The following RTN1 variants were observed in gnomAD, a reference collection of about 807,000 sequenced individuals.
RTN1 encodes reticulon 1.
Under a neutral mutation model 65.5 loss-of-function variants are expected in RTN1, and 25 were observed. That is an observed-to-expected ratio of 0.38 (90% CI 0.28 to 0.53). The LOEUF is 0.53. Among genes scored for constraint, RTN1 ranks in the 20% least tolerant of loss-of-function variants. The pLI is 0.79. For synonymous variants in RTN1, 471 were observed against 447.6 expected, an observed-to-expected ratio of 1.05 and a Z score of -0.66; for missense variants, 983 against 1,025.4, an observed-to-expected ratio of 0.96 and a Z score of 0.57.
intron 1 of RTN1, among the ~76,000 whole-genome samples, chr14:59,859,767 C>T (rs1272733714): frequency 6.6e-6 from 1 of 152,182 alleles, no homozygotes; most frequent in East Asian, 1.9e-4. Context: ...AAATGAGGAA[C>T]TTGCTGGGAA....
At chr14:59,669,053 C>T (rs948095504) in intron 3 of RTN1, among the ~76,000 whole-genome samples, 5 of 152,098 alleles carry the variant, frequency 3.3e-5, no homozygotes, top group African/African-American at 9.7e-5. Context: ...GTGGCGATTC[C>T]TCAAGGATCT....
chr14:59,679,560 A>C (rs1180026994), intron 3 of RTN1, among the ~76,000 whole-genome samples: 1 of 152,200 alleles, frequency 6.6e-6, no homozygotes, highest in Non-Finnish European at 1.5e-5. Flanking sequence ...TTGAACAGTA[A>C]AACAGCAGAG....
chr14:59,656,937 C>T (rs1883133173), intron 3 of RTN1, among the ~76,000 whole-genome samples: 1 of 152,004 alleles, frequency 6.6e-6, no homozygotes, highest in Admixed American at 6.6e-5. Flanking sequence ...CTTGTCTTAC[C>T]ACCTATCAAG....
intron 3 of RTN1, among the ~76,000 whole-genome samples, chr14:59,698,407 A>G (rs901996015): frequency 1.3e-5 from 2 of 152,168 alleles, no homozygotes; most frequent in Non-Finnish European, 2.9e-5. Flanking sequence ...TACAATAGCT[A>G]ATTTTAAAAA....
At position 59,603,047 on chromosome 14, in the gene RTN1, T is replaced by C. The variant is rs1566656830; in HGVS notation, c.2288+18A>G. On this transcript the variant is annotated intron_variant, in intron 8 of 8. Coordinates refer to ENST00000267484, the MANE Select transcript of RTN1 (RefSeq NM_021136.3). Reference sequence around the variant, plus strand: ...GTAAGAGAGTCTCTCCTTTTATGCATTGCACTATGTGACTTACTTTGCCAC... The same window carrying C: ...GTAAGAGAGTCTCTCCTTTTATGCACTGCACTATGTGACTTACTTTGCCAC... 1.2e-6 allele frequency: 2 copies of C among 1,609,116 alleles called. No homozygotes were observed. The highest frequency in any genetic ancestry group is 1.7e-6 in the Non-Finnish European group (2 of 1,176,150).
chr14:59,769,433 A>AT (rs1405860983), intron 1 of RTN1, among the ~76,000 whole-genome samples: 1 of 152,102 alleles, frequency 6.6e-6, no homozygotes, highest in Non-Finnish European at 1.5e-5. Flanking sequence ...AATGACATAT[A>AT]TTTTTCATGG....
chr14:59,647,661 T>C (rs1882929876), intron 3 of RTN1, among the ~76,000 whole-genome samples: 1 of 152,118 alleles, frequency 6.6e-6, no homozygotes, highest in African/African-American at 2.4e-5. Flanking sequence ...TACATGGAAA[T>C]TAAACAACCT....
intron 1 of RTN1, among the ~76,000 whole-genome samples, chr14:59,769,969 T>C (rs1039289295): frequency 6.6e-6 from 1 of 151,994 alleles, no homozygotes; most frequent in Non-Finnish European, 1.5e-5. Context: ...GCAGAGAACA[T>C]GGAATGAGCA....
At chr14:59,780,492 C>A (rs1886134418) in intron 1 of RTN1, among the ~76,000 whole-genome samples, 1 of 152,142 alleles carries the variant, frequency 6.6e-6, no homozygotes, top group Non-Finnish European at 1.5e-5. Context: ...ATGGTGCCAA[C>A]CATTCCGGAG....
intron 1 of RTN1, among the ~76,000 whole-genome samples, chr14:59,838,452 A>G (rs529592372): frequency 6.6e-6 from 1 of 152,268 alleles, no homozygotes; most frequent in South Asian, 2.1e-4. Flanking sequence ...TTTTTTTCAA[A>G]TGGGAAAAAT....
At chr14:59,862,321 T>C (rs563036997) in intron 1 of RTN1, among the ~76,000 whole-genome samples, 8 of 152,328 alleles carry the variant, frequency 5.3e-5, no homozygotes, top group Middle Eastern at 3.4e-3. Context: ...TCATGGTTCA[T>C]TGTGATGTCA....
chr14:59,829,019 G>C lies in RTN1; in HGVS notation c.241+41371C>G, dbSNP rs945401566. On this transcript the variant is annotated intron_variant, in intron 1 of 8. Coordinates refer to ENST00000267484, the MANE Select transcript of RTN1 (RefSeq NM_021136.3). The surrounding 1 kb of genome is among the most constrained non-coding windows in gnomAD (Gnocchi z 4.3). ...CCAGGCTTCCACTATATCCTTGGAT[G>C]ATCCCACTGCTCAATACTGAAGCAG... is the stretch of plus-strand genomic sequence containing the variant. Among the ~76,000 whole-genome samples, 2 of 152,142 alleles carry C rather than the reference G, an allele frequency of 1.3e-5. No homozygotes were observed. Among genetic ancestry groups the C allele is most frequent in the African/African-American group, 4.8e-5 (2 of 41,428 alleles).
intron 3 of RTN1, among the ~76,000 whole-genome samples, chr14:59,646,356 T>C (rs1221009634): frequency 6.6e-6 from 1 of 152,160 alleles, no homozygotes; most frequent in African/African-American, 2.4e-5. Context: ...CTGAAAGGGA[T>C]TGGGGGAAAG....
chr14:59,596,459 G>T lies in RTN1; in HGVS notation c.*286C>A. On this transcript the variant is annotated 3_prime_UTR_variant, in exon 9 of 9. Transcript: ENST00000267484. The stretch of plus-strand genomic sequence containing the variant: ...GAGAAGAGAAGAAGAACACCGAAGA[G>T]GGAAAGATAACTTGGGCTCTCACCA... 3.9e-6 allele frequency: 1 copy of T among 255,846 alleles called. No individual in the cohort carries two copies. Among genetic ancestry groups the T allele is most frequent in the East Asian group, 8.4e-5 (1 of 11,922 alleles). The allele number at this position is 255,846 out of a possible 1,614,324, so 15.8% of individuals were successfully genotyped here.
At chr14:59,650,887 T>C (rs1275749976) in intron 3 of RTN1, among the ~76,000 whole-genome samples, 2 of 152,130 alleles carry the variant, frequency 1.3e-5, no homozygotes, top group Non-Finnish European at 2.9e-5. Flanking sequence ...ACCTAGGCAA[T>C]ACCACTCAAG....
At chr14:59,769,783 G>C (rs1286988338) in intron 1 of RTN1, among the ~76,000 whole-genome samples, 1 of 152,132 alleles carries the variant, frequency 6.6e-6, no homozygotes, top group Non-Finnish European at 1.5e-5. Context: ...GTACATTGTC[G>C]ACAGCTGTGA....
At chr14:59,832,500 C>A (rs117442465) in intron 1 of RTN1, among the ~76,000 whole-genome samples, 157 of 152,316 alleles carry the variant, frequency 1.0e-3, no homozygotes, top group South Asian at 2.1e-3. Context: ...AGGCCAGAGG[C>A]CTGATGTTCC....
At chr14:59,814,382 T>C (rs1008016366) in intron 1 of RTN1, among the ~76,000 whole-genome samples, 2 of 152,186 alleles carry the variant, frequency 1.3e-5, no homozygotes, top group African/African-American at 4.8e-5. Flanking sequence ...GCTGATTGCA[T>C]ATTGGCAGTG....
chr14:59,758,211 C>T (rs1459906992), intron 1 of RTN1, among the ~76,000 whole-genome samples: 2 of 152,160 alleles, frequency 1.3e-5, no homozygotes, highest in Non-Finnish European at 2.9e-5. Context: ...CTCAGGAGTA[C>T]TGTGCTTGTT....
Sources: allele counts gnomAD v4.1 joint callset (sites outside exome capture counted in the v4.1 genomes callset), GRCh38; gene constraint gnomAD v4.1.1; non-coding constraint Gnocchi (gnomAD v3.1); transcripts MANE v1.5; gene names NCBI Gene and HGNC (gene_info 2026-07-23, HGNC 2026-07-21).